The following MGA variants were observed in gnomAD, a reference collection of about 807,000 sequenced individuals.
MGA encodes the protein MAX dimerization protein MGA.
In MGA, 40 loss-of-function variants were observed where a neutral mutation model predicts 261.1. The observed-to-expected ratio is 0.15, with a 90% CI of 0.12 to 0.20. MGA has a LOEUF of 0.20. MGA is among the 10% of genes least tolerant of loss of function. The pLI is 1.00. For missense variants in MGA, 3,397 were observed against 3,630.5 expected (o/e 0.94, Z 1.65); for synonymous variants, 1,302 against 1,290.6 (o/e 1.01, Z -0.19).
upstream of MGA, among the ~76,000 whole-genome samples, chr15:41,657,265 A>G (rs2057224236): frequency 2.0e-5 from 3 of 151,692 alleles, no homozygotes; most frequent in South Asian, 6.3e-4. Flanking sequence ...ATGGTGGGCA[A>G]GGATGGAGTT....
At position 41,749,302 on chromosome 15, in the gene MGA, A is replaced by G; in HGVS notation, c.5695A>G (p.Thr1899Ala). ...AGCTAGTTTTGTGTCTCAGGCTGGT[A>G]CATTGACCCTGAGGATTTCTCCTCC... The change falls in exon 17 of 24, where the codon ACA becomes GCA. Residue 1899 changes from threonine to alanine, a missense_variant. Physicochemically the swap from Thr to Ala is moderately conservative, Grantham distance 58. This residue lies in a region of MGA where 1,410 missense variants were observed against 1,386.4 expected (regional missense o/e 1.02). Coordinates refer to ENST00000219905, the MANE Select transcript of MGA (RefSeq NM_001164273.2). The G allele has an allele frequency of 6.2e-7, 1 of 1,614,008 alleles. No homozygotes were observed. The highest frequency in any genetic ancestry group is 8.5e-7 in the Non-Finnish European group (1 of 1,179,892).
In MGA at chr15:41,767,285, A is replaced by C; in HGVS notation, c.*5A>C. On this transcript the variant is annotated 3_prime_UTR_variant, in exon 24 of 24. Transcript: ENST00000219905. ...CCAAGTTCTGCAGGGAAATGAACTTACTTGTCCTTAAGCAGAAGCCAGGCT... is the reference window on the plus strand; with the variant it reads ...CCAAGTTCTGCAGGGAAATGAACTTCCTTGTCCTTAAGCAGAAGCCAGGCT... The C allele has an allele frequency of 6.2e-7, 1 of 1,600,266 alleles. No homozygotes were observed. Among genetic ancestry groups the C allele is most frequent in the South Asian group, 1.1e-5 (1 of 89,608 alleles).
At chr15:41,677,106 C>T (rs1426462338) in intron 2 of MGA, among the ~76,000 whole-genome samples, 1 of 152,190 alleles carries the variant, frequency 6.6e-6, no homozygotes, top group Non-Finnish European at 1.5e-5. Context: ...ACTTGGATAG[C>T]TTCTACCTTT....
At chr15:41,644,570 A>G (rs1016606416) in intron 1 of MGA, among the ~76,000 whole-genome samples, 17 of 151,962 alleles carry the variant, frequency 1.1e-4, no homozygotes, top group African/African-American at 3.9e-4. Context: ...AGACATGAGA[A>G]TCACTTGAAA....
At chr15:41,717,611 A>G (rs1014425451) in intron 9 of MGA, among the ~76,000 whole-genome samples, 9 of 152,222 alleles carry the variant, frequency 5.9e-5, no homozygotes, top group African/African-American at 1.9e-4. Context: ...TACTTATTAG[A>G]GAATTGAACT....
chr15:41,758,190 CTA>C (rs1047396080), intron 19 of MGA, among the ~76,000 whole-genome samples: 6 of 152,088 alleles, frequency 3.9e-5, no homozygotes, highest in South Asian at 4.1e-4. Flanking sequence ...ATTTAAAAAA[CTA>C]TGCTCTGCAA....
intron 3 of MGA, among the ~76,000 whole-genome samples, chr15:41,697,991 C>T (rs2059629822): frequency 6.6e-6 from 1 of 151,968 alleles, no homozygotes; most frequent in African/African-American, 2.4e-5. Context: ...GCCTCAGACT[C>T]CCGAGTAGCT....
Position 41,696,567 on chromosome 15 carries a change from C to A in MGA, c.1557C>A (p.Ala519=), listed in dbSNP as rs773681086. The change falls in exon 3 of 24, where the codon GCC becomes GCA. Residue 519 remains alanine (A), a synonymous_variant. Coordinates refer to ENST00000219905, the MANE Select transcript of MGA (RefSeq NM_001164273.2). ...ACATTGAAAATTCCAATGAGACTGC[C>A]TTCTGCTTAGGCAAGGAATCAGAAA... The A allele has an allele frequency of 3.1e-6, 5 of 1,613,970 alleles. No individual in the cohort carries two copies. In the Middle Eastern group the frequency reaches 4.9e-4, roughly 160 times the overall value.
Position 41,766,113 on chromosome 15 carries a change from T to C in MGA, c.8031T>C (p.Asp2677=). The change falls in exon 24 of 24, where the codon GAT becomes GAC. Residue 2677 remains aspartate, a synonymous_variant. Transcript: ENST00000219905. ...GCAAATATCCTCATGAAGTTCCTGA[T>C]AGCAAGCCATCTGACCATCTGAAAG... 2 of 1,613,992 alleles carry C rather than the reference T, an allele frequency of 1.2e-6. No homozygotes were observed. The highest frequency in any genetic ancestry group is 1.7e-6 in the Non-Finnish European group (2 of 1,179,900).
intron 3 of MGA, 75 bp downstream of exon 3, chr15:41,697,098 C>T (rs1017268167): frequency 5.0e-6 from 6 of 1,192,754 alleles, no homozygotes; most frequent in Admixed American, 2.9e-5. Context: ...GTAAGTAACT[C>T]GATTTACAAT....
chr15:41,666,858 T>TA (rs2057771834), intron 1 of MGA, among the ~76,000 whole-genome samples: 2 of 152,264 alleles, frequency 1.3e-5, no homozygotes, highest in African/African-American at 4.8e-5. Context: ...TGTGTGTATT[T>TA]AAAATAAAGT....
intron 1 of MGA, among the ~76,000 whole-genome samples, chr15:41,641,921 A>G (rs1168701185): frequency 1.4e-5 from 2 of 147,772 alleles, no homozygotes. Context: ...TCAGCCTCCC[A>G]AGTAGCTGGG....
intron 11 of MGA, among the ~76,000 whole-genome samples, chr15:41,730,987 T>C (rs1017099986): frequency 6.6e-6 from 1 of 152,210 alleles, no homozygotes; most frequent in Admixed American, 6.5e-5. Flanking sequence ...AATGATGTTA[T>C]CTTTAAGTGA....
At chr15:41,686,244 G>A (rs1269680886) in intron 2 of MGA, among the ~76,000 whole-genome samples, 1 of 152,076 alleles carries the variant, frequency 6.6e-6, no homozygotes. Flanking sequence ...AGGGTGTGGT[G>A]GCTCACGCCT....
intron 15 of MGA, among the ~76,000 whole-genome samples, chr15:41,743,862 T>C (rs2062263122): frequency 6.6e-6 from 1 of 152,236 alleles, no homozygotes; most frequent in Non-Finnish European, 1.5e-5. Context: ...ATATTTCTTT[T>C]ATTGGCTTAG....
In MGA at chr15:41,734,385, T is replaced by C. The variant is rs2151769439; in HGVS notation, c.3844-137T>C. The C allele has an allele frequency of 5.7e-6, 4 of 704,008 alleles. No individual in the cohort carries two copies. The East Asian group carries it at 1.1e-4, about 20-fold the overall frequency. 43.6% of individuals were successfully genotyped at this position (704,008 alleles called of 1,614,324 possible). A position where few individuals can be genotyped will look rare whatever the true frequency, so the allele number is the denominator to read the frequency against. ...TATATGATAGTAACGTAGATGTGCA[T>C]GTGGATTGAAGCTGTTGACATTTCA... On this transcript the variant is annotated intron_variant, in intron 11 of 23. Transcript: ENST00000219905.
At chr15:41,622,725 T>G (rs1305451921) in intron 1 of MGA, among the ~76,000 whole-genome samples, 1 of 152,176 alleles carries the variant, frequency 6.6e-6, no homozygotes, top group African/African-American at 2.4e-5. Context: ...TGGGCTATCT[T>G]TGTAAAATTT....
intron 2 of MGA, among the ~76,000 whole-genome samples, chr15:41,672,641 C>G (rs1304259220): frequency 6.6e-6 from 1 of 152,112 alleles, no homozygotes; most frequent in Non-Finnish European, 1.5e-5. Context: ...TGGTATTTAG[C>G]TATATGTAAA....
At position 41,669,346 on chromosome 15, in the gene MGA, A is replaced by G; in HGVS notation, c.452A>G (p.His151Arg). The change falls in exon 2 of 24, where the codon CAT becomes CGT. Residue 151 changes from histidine (H) to arginine (R), a missense_variant. By Grantham distance (29) the His-to-Arg change is conservative (BLOSUM62 0). Coordinates refer to ENST00000219905, the MANE Select transcript of MGA (RefSeq NM_001164273.2). ...GAACCTAGTGGGAAGGCTGAACCTC[A>G]TGTTTTGGGGAGGGTTTTCATTCAT... 6.2e-6 allele frequency: 10 copies of G among 1,613,964 alleles called. No individual in the cohort carries two copies. Among genetic ancestry groups the G allele is most frequent in the South Asian group, 1.1e-5 (1 of 91,084 alleles).
Sources: allele counts gnomAD v4.1 joint callset (sites outside exome capture counted in the v4.1 genomes callset), GRCh38; gene constraint gnomAD v4.1.1; regional missense constraint gnomAD v4.1.1; transcripts MANE v1.5; gene names NCBI Gene and HGNC (gene_info 2026-07-23, HGNC 2026-07-21).